Variants in SLC25A13 observed in about 807,000 individuals in gnomAD.
The protein encoded by SLC25A13 is solute carrier family 25 member 13.
Under a neutral mutation model 85.5 loss-of-function variants are expected in SLC25A13, and 70 were observed. The observed-to-expected ratio is 0.82, with a 90% CI of 0.68 to 1.00. The LOEUF (loss-of-function observed/expected upper bound fraction) is 1.00. SLC25A13 is among the 50% of genes least tolerant of loss of function. The pLI is 0.00. For missense variants in SLC25A13, 765 were observed against 819.8 expected, an observed-to-expected ratio of 0.93 and a Z score of 0.82; for synonymous variants, 259 against 288.7, an observed-to-expected ratio of 0.90 and a Z score of 1.04.
intron 2 of SLC25A13, among the ~76,000 whole-genome samples, chr7:96,279,110 A>G (rs1395445345): frequency 6.6e-6 from 1 of 152,180 alleles, no homozygotes; most frequent in Admixed American, 6.5e-5. Context: ...GTCAAAGGAG[A>G]GGAACTTCTG....
At chr7:96,241,420 A>G (rs1478419497) in intron 3 of SLC25A13, among the ~76,000 whole-genome samples, 2 of 152,254 alleles carry the variant, frequency 1.3e-5, no homozygotes, top group Admixed American at 1.3e-4. Flanking sequence ...ACAATATGTG[A>G]TGGACTGAAT....
At chr7:96,146,790 C>T in intron 13 of SLC25A13, 94 bp from the exon 14 acceptor site, 2 of 1,411,592 alleles carry the variant, frequency 1.4e-6, no homozygotes, top group Non-Finnish European at 2.0e-6. Context: ...TAAAAATATT[C>T]TATCCTCAAG....
At chr7:96,265,376 A>T (rs1444361510) in intron 3 of SLC25A13, among the ~76,000 whole-genome samples, 1 of 152,318 alleles carries the variant, frequency 6.6e-6, no homozygotes, top group East Asian at 1.9e-4. Context: ...GTCTTTAAGT[A>T]TTAGGAAGAT....
intron 3 of SLC25A13, among the ~76,000 whole-genome samples, chr7:96,260,360 C>G (rs569034881): frequency 6.6e-6 from 1 of 152,070 alleles, no homozygotes; most frequent in African/African-American, 2.4e-5. Flanking sequence ...TAAAAGGGTT[C>G]CTACTGGCCA....
intron 2 of SLC25A13, among the ~76,000 whole-genome samples, chr7:96,296,541 C>A (rs188972817): frequency 6.6e-6 from 1 of 151,306 alleles, no homozygotes; most frequent in East Asian, 2.0e-4. Context: ...AGTGCAGTGG[C>A]ACGATCTCAG....
At chr7:96,193,711 AG>A (rs1410715863) in intron 5 of SLC25A13, among the ~76,000 whole-genome samples, 1 of 152,232 alleles carries the variant, frequency 6.6e-6, no homozygotes, top group Non-Finnish European at 1.5e-5. Flanking sequence ...CATTTTGGAC[AG>A]GGTAAGTCTT....
At chr7:96,277,866 T>G (rs1157167369) in intron 2 of SLC25A13, among the ~76,000 whole-genome samples, 1 of 151,656 alleles carries the variant, frequency 6.6e-6, no homozygotes, top group Admixed American at 6.6e-5. Flanking sequence ...GCCCCATTCC[T>G]GCTTTAAGAG....
chr7:96,163,660 T>G (rs565768616), intron 13 of SLC25A13, among the ~76,000 whole-genome samples: 22 of 152,338 alleles, frequency 1.4e-4, no homozygotes, highest in African/African-American at 4.8e-4. Context: ...GCATGCACTG[T>G]GGACACAGGA....
At chr7:96,302,627 C>T (rs1012379393) in intron 1 of SLC25A13, among the ~76,000 whole-genome samples, 1 of 152,180 alleles carries the variant, frequency 6.6e-6, no homozygotes, top group East Asian at 1.9e-4. Flanking sequence ...CTCAGATCAA[C>T]CCCAACTCTG....
intron 13 of SLC25A13, among the ~76,000 whole-genome samples, chr7:96,168,092 C>T (rs1179519571): frequency 1.9e-5 from 1 of 53,324 alleles, no homozygotes; most frequent in Non-Finnish European, 3.6e-5. Flanking sequence ...GAGCGAAACT[C>T]TGTCTGAAAA....
intron 4 of SLC25A13, among the ~76,000 whole-genome samples, chr7:96,215,551 T>A (rs1795863586): frequency 6.6e-6 from 1 of 151,668 alleles, no homozygotes; most frequent in African/African-American, 2.4e-5. Context: ...TAACAGACAA[T>A]AAGAAAAAAC....
intron 2 of SLC25A13, among the ~76,000 whole-genome samples, chr7:96,286,517 C>T (rs867684345): frequency 1.3e-5 from 2 of 152,094 alleles, no homozygotes; most frequent in Non-Finnish European, 2.9e-5. Context: ...CATCTTCGAG[C>T]GTAATTCAAA....
intron 3 of SLC25A13, among the ~76,000 whole-genome samples, chr7:96,235,777 C>T (rs1216851532): frequency 6.6e-6 from 1 of 152,164 alleles, no homozygotes; most frequent in African/African-American, 2.4e-5. Context: ...AGGGCCTGGT[C>T]ATTCTTCTCT....
rs1324966189 is a variant in SLC25A13 at position 96,183,561 on chromosome 7, C to T, written c.1177+716G>A. Among the ~76,000 whole-genome samples the T allele has an allele frequency of 2.0e-5, 3 of 152,182 alleles. No individual in the cohort carries two copies. In the East Asian group the frequency reaches 5.8e-4, roughly 29 times the overall value. The stretch of plus-strand genomic sequence containing the variant: ...TGATGCAGAAACACTGTTTCCTTCT[C>T]GTAGAAGGCAATCCCCGAAAGAACA... On this transcript the variant is annotated intron_variant, in intron 11 of 17. Transcript: ENST00000265631.
At chr7:96,241,439 T>C (rs1433680903) in intron 3 of SLC25A13, among the ~76,000 whole-genome samples, 4 of 152,198 alleles carry the variant, frequency 2.6e-5, no homozygotes, top group African/African-American at 4.8e-5. Flanking sequence ...ATACAGAACA[T>C]TGATATGCAG....
chr7:96,129,707 A>G (rs1044030477), intron 15 of SLC25A13, among the ~76,000 whole-genome samples: 6 of 152,202 alleles, frequency 3.9e-5, no homozygotes, highest in African/African-American at 1.4e-4. Context: ...TCTCATAATA[A>G]TCTTGTAAGG....
intron 13 of SLC25A13, among the ~76,000 whole-genome samples, chr7:96,163,517 T>C (rs1793603068): frequency 6.6e-6 from 1 of 152,198 alleles, no homozygotes; most frequent in African/African-American, 2.4e-5. Flanking sequence ...TAATAATAAG[T>C]ATCTATTTGA....
At chr7:96,141,065 G>A (rs569297303) in intron 14 of SLC25A13, among the ~76,000 whole-genome samples, 1 of 147,688 alleles carries the variant, frequency 6.8e-6, no homozygotes, top group Non-Finnish European at 1.5e-5. Context: ...CTGTTGCTAG[G>A]GCTAGAGTGT....
rs542216967 is a variant in SLC25A13, at chr7:96,314,487, C to A, written c.15+7455G>T. 3.3e-5 allele frequency among the ~76,000 whole-genome samples: 5 copies of A among 152,262 alleles called. No individual in the cohort carries two copies. In the South Asian group the frequency reaches 1.0e-3, roughly 32 times the overall value. ...TCACTACACAAAGGCATATCCCCCTCCTTACCTCCAAGCAGAACCAACACA... is the reference window on the plus strand; with the variant it reads ...TCACTACACAAAGGCATATCCCCCTACTTACCTCCAAGCAGAACCAACACA... On this transcript the variant is annotated intron_variant, in intron 1 of 17. Coordinates refer to ENST00000265631, the MANE Select transcript of SLC25A13 (RefSeq NM_014251.3).
Sources: allele counts gnomAD v4.1 joint callset (sites outside exome capture counted in the v4.1 genomes callset), GRCh38; gene constraint gnomAD v4.1.1; transcripts MANE v1.5; gene names NCBI Gene and HGNC (gene_info 2026-07-23, HGNC 2026-07-21).